Variants in IQSEC1 observed in about 807,000 individuals in gnomAD.
The protein encoded by IQSEC1 is IQ motif and SEC7 domain-containing protein 1.
In IQSEC1, 31 loss-of-function variants were observed where a neutral mutation model predicts 91.0. That is an observed-to-expected ratio of 0.34 (90% CI 0.26 to 0.46). The LOEUF (loss-of-function observed/expected upper bound fraction) is 0.46. IQSEC1 is among the 20% of genes least tolerant of loss of function. IQSEC1 has a pLI of 1.00. For synonymous variants in IQSEC1, 699 were observed against 662.6 expected, an observed-to-expected ratio of 1.05 and a Z score of -0.84; for missense variants, 1,388 against 1,575.6, an observed-to-expected ratio of 0.88 and a Z score of 2.02.
At chr3:13,015,842 G>A (rs1320471705) in intron 1 of IQSEC1, 1 of 363,946 alleles carries the variant, frequency 2.7e-6, no homozygotes, top group Non-Finnish European at 3.8e-6. Flanking sequence ...TGGCTTCACT[G>A]GGCAGGCCCC....
intron 1 of IQSEC1, among the ~76,000 whole-genome samples, chr3:13,274,421 G>T (rs1162910349): frequency 6.6e-6 from 1 of 152,262 alleles, no homozygotes; most frequent in Non-Finnish European, 1.5e-5. Context: ...CCCTTGGCAA[G>T]CTGTGCTCCT....
At chr3:13,058,660 C>T (rs1704960065) in intron 1 of IQSEC1, among the ~76,000 whole-genome samples, 1 of 152,198 alleles carries the variant, frequency 6.6e-6, no homozygotes, top group Non-Finnish European at 1.5e-5. Context: ...CCTGTGGGTA[C>T]AAGGGTGTGC....
At chr3:12,960,847 C>A (rs1045118591) in intron 1 of IQSEC1, among the ~76,000 whole-genome samples, 2 of 152,238 alleles carry the variant, frequency 1.3e-5, no homozygotes, top group African/African-American at 4.8e-5. Context: ...CCTTCCCCTT[C>A]CTGCCGGCAC....
chr3:12,967,271 A>T lies in IQSEC1; in HGVS notation c.24-25406T>A. 2 of 871,600 alleles carry T rather than the reference A, an allele frequency of 2.3e-6. No homozygotes were observed. The highest frequency in any genetic ancestry group is 3.3e-6 in the Non-Finnish European group (2 of 601,568). 54.0% of individuals were successfully genotyped at this position (871,600 alleles called of 1,614,324 possible). A position where few individuals can be genotyped will look rare whatever the true frequency, so the allele number is the denominator to read the frequency against. On this transcript the variant is annotated intron_variant, in intron 1 of 13. Transcript: ENST00000613206. The surrounding 1 kb of genome is among the most constrained non-coding windows in gnomAD (Gnocchi z 5.9). ...CGCCCCGCAGGCAGCTTTCTCTCGC[A>T]CGCCGGGCGCCCGGTCCCGACGGTC...
At chr3:12,914,870 C>A (rs1285609085) in intron 8 of IQSEC1, among the ~76,000 whole-genome samples, 1 of 152,028 alleles carries the variant, frequency 6.6e-6, no homozygotes, top group East Asian at 1.9e-4. Flanking sequence ...GGGGGCTGGG[C>A]TCAACAGGGC....
chr3:12,908,079 T>C lies in IQSEC1; in HGVS notation c.2755+270A>G, dbSNP rs1363248443. 2.6e-5 allele frequency among the ~76,000 whole-genome samples: 4 copies of C among 152,220 alleles called. No homozygotes were observed. The highest frequency in any genetic ancestry group is 4.4e-5 in the Non-Finnish European group (3 of 68,032). On this transcript the variant is annotated intron_variant, in intron 12 of 13. Coordinates refer to ENST00000613206, the MANE Select transcript of IQSEC1 (RefSeq NM_001134382.3). This position sits in a 1 kb window ranked among gnomAD's most constrained non-coding sequence, Gnocchi z 4.9. Reference sequence around the variant, plus strand: ...TCAATAAACAAGTAAATAAAACCCCTGGAAGAAGAAAGGGAAAATGGGGGT... The same window carrying C: ...TCAATAAACAAGTAAATAAAACCCCCGGAAGAAGAAAGGGAAAATGGGGGT...
intron 1 of IQSEC1, among the ~76,000 whole-genome samples, chr3:13,197,762 G>A (rs1043601110): frequency 5.3e-5 from 8 of 152,240 alleles, no homozygotes; most frequent in African/African-American, 1.7e-4. Flanking sequence ...CCGTTCACAG[G>A]TGGGCACACT....
chr3:12,902,552 C>T (rs1694437147), intron 13 of IQSEC1, among the ~76,000 whole-genome samples: 1 of 149,850 alleles, frequency 6.7e-6, no homozygotes, highest in South Asian at 2.1e-4. Flanking sequence ...TATTTCTAGG[C>T]ACAGAGGAGA....
At chr3:12,954,845 GT>G (rs1368218015) in intron 1 of IQSEC1, among the ~76,000 whole-genome samples, 1 of 152,220 alleles carries the variant, frequency 6.6e-6, no homozygotes, top group Non-Finnish European at 1.5e-5. Context: ...ACACAAAGGG[GT>G]CAGGACAGGA....
In IQSEC1 at chr3:13,073,025, T is replaced by C; in HGVS notation, c.-11A>G. The C allele has an allele frequency of 6.4e-7, 1 of 1,551,760 alleles. No homozygotes were observed. Among genetic ancestry groups the C allele is most frequent in the Non-Finnish European group, 8.7e-7 (1 of 1,146,994 alleles). On this transcript the variant is annotated 5_prime_UTR_variant, in exon 1 of 14. Coordinates refer to ENST00000613206, the MANE Select transcript of IQSEC1 (RefSeq NM_001134382.3). ...TCTTCTGCAAGCCATCCTGTGTGAA[T>C]CCGTTCTTCCCTGTTCTGGCTCCCT...
chr3:13,212,311 C>G (rs934176138), intron 1 of IQSEC1, among the ~76,000 whole-genome samples: 1 of 152,190 alleles, frequency 6.6e-6, no homozygotes, highest in East Asian at 1.9e-4. Context: ...GCTTCTTGCA[C>G]CTAGCATGTT....
chr3:12,929,239 C>T lies in IQSEC1; in HGVS notation c.1569-4497G>A, dbSNP rs74492689. The stretch of plus-strand genomic sequence containing the variant: ...ACTGTGAAGAATCCATGAGTTCGTA[C>T]TCATAACGTACCATGCCTCAGGCCT... On this transcript the variant is annotated intron_variant, in intron 3 of 13. Coordinates refer to ENST00000613206, the MANE Select transcript of IQSEC1 (RefSeq NM_001134382.3). Among the ~76,000 whole-genome samples, 157 of 152,332 alleles carry T rather than the reference C, an allele frequency of 1.0e-3. No homozygotes were observed. In the East Asian group the frequency reaches 0.025, roughly 25 times the overall value.
intron 1 of IQSEC1, among the ~76,000 whole-genome samples, chr3:12,946,662 T>C (rs914531470): frequency 6.6e-6 from 1 of 152,182 alleles, no homozygotes; most frequent in Admixed American, 6.5e-5. Flanking sequence ...AAGATCTAGT[T>C]TGATGGCTGT....
At chr3:13,099,207 G>T (rs1007810934) in intron 2 of IQSEC1, among the ~76,000 whole-genome samples, 3 of 152,220 alleles carry the variant, frequency 2.0e-5, no homozygotes, top group Admixed American at 2.0e-4. Context: ...CTGGAGAGGG[G>T]TGAGGAGAGG....
At chr3:13,187,213 C>T (rs1049022677) in intron 1 of IQSEC1, among the ~76,000 whole-genome samples, 7 of 152,168 alleles carry the variant, frequency 4.6e-5, no homozygotes, top group African/African-American at 1.7e-4. Context: ...TGGAGATGCA[C>T]CAAGCCCCTC....
At chr3:13,036,046 A>G (rs1002857863) in intron 1 of IQSEC1, among the ~76,000 whole-genome samples, 2 of 152,168 alleles carry the variant, frequency 1.3e-5, no homozygotes, top group African/African-American at 4.8e-5. Context: ...GAGGCTTCCT[A>G]GGAATCCAGC....
intron 2 of IQSEC1, among the ~76,000 whole-genome samples, chr3:13,136,030 C>T (rs560662499): frequency 2.0e-5 from 3 of 152,364 alleles, no homozygotes; most frequent in South Asian, 4.1e-4. Flanking sequence ...ACCCAGCCCT[C>T]CTCCAAGCTT....
rs186067957 is a variant in IQSEC1, at chr3:13,182,778, C to T, written c.273-18645G>A. Among the ~76,000 whole-genome samples the T allele has an allele frequency of 1.6e-3, 251 of 152,244 alleles. 2 individuals carry two copies. The highest frequency in any genetic ancestry group is 2.3e-3 in the Non-Finnish European group (156 of 68,018). On this transcript the variant is annotated intron_variant, in intron 1 of 15. Transcript: ENST00000648114. ...AATATAACATATCAAAATATGTGAG[C>T]TGCAGCTAAAGCAGTACCTGAAAGA... is the stretch of plus-strand genomic sequence containing the variant.
chr3:12,998,672 G>C (rs955697761), intron 1 of IQSEC1, among the ~76,000 whole-genome samples: 14 of 152,062 alleles, frequency 9.2e-5, no homozygotes, highest in African/African-American at 2.9e-4. Context: ...AAAAAAAGAG[G>C]GGGTATAGAA....
Sources: allele counts gnomAD v4.1 joint callset (sites outside exome capture counted in the v4.1 genomes callset), GRCh38; gene constraint gnomAD v4.1.1; non-coding constraint Gnocchi (gnomAD v3.1); transcripts MANE v1.5; gene names NCBI Gene and HGNC (gene_info 2026-07-23, HGNC 2026-07-21).